Variants in KIF13A observed in about 807,000 individuals in gnomAD.
KIF13A encodes kinesin-like protein KIF13A.
A neutral mutation model predicts 212.2 loss-of-function variants in KIF13A; 79 were observed. The observed-to-expected ratio is 0.37, with a 90% confidence interval of 0.31 to 0.45. The LOEUF is 0.45. Among genes scored for constraint, KIF13A ranks in the 20% least tolerant of loss-of-function variants. The pLI is 1.00. For missense variants in KIF13A, 1,901 were observed against 2,209.0 expected (o/e 0.86, Z 2.79); for synonymous variants, 789 against 808.6 (o/e 0.98, Z 0.41).
At chr6:17,807,367 G>A (rs909095502) in intron 18 of KIF13A, among the ~76,000 whole-genome samples, 1 of 151,872 alleles carries the variant, frequency 6.6e-6, no homozygotes, top group Admixed American at 6.6e-5. Context: ...TGTGGGGGGA[G>A]GTCTATAAAC....
At chr6:17,760,904 T>C (rs1157046855), downstream of KIF13A, 3 of 1,613,280 alleles carry the variant, frequency 1.9e-6, no homozygotes, top group East Asian at 4.5e-5. Flanking sequence ...GGTGAGTTCA[T>C]GCTTCTCATC....
chr6:17,808,216 T>C (rs1763142726), intron 18 of KIF13A, among the ~76,000 whole-genome samples: 1 of 152,164 alleles, frequency 6.6e-6, no homozygotes, highest in Non-Finnish European at 1.5e-5. Context: ...CAAAACCCTG[T>C]CTCTACTAAA....
At position 17,984,412 on chromosome 6, in the gene KIF13A, TCA is replaced by T. The variant is rs1387630453; in HGVS notation, c.146+2640_146+2641del. ...GTGTCTTAATGTTTCAGAATGGTGA[TCA>T]GTATACATATCAACTACTAACCTGG... On this transcript the variant is annotated intron_variant, in intron 2 of 38. Coordinates refer to ENST00000259711, the MANE Select transcript of KIF13A (RefSeq NM_022113.6). The surrounding 1 kb of genome is among the most constrained non-coding windows in gnomAD (Gnocchi z 5.0). 2.3e-6 allele frequency: 1 copy of T among 437,022 alleles called. No homozygotes were observed. The highest frequency in any genetic ancestry group is 3.0e-6 in the Non-Finnish European group (1 of 328,952). The allele number at this position is 437,022 out of a possible 1,614,324, so 27.1% of individuals were successfully genotyped here. A position where few individuals can be genotyped will look rare whatever the true frequency, so the allele number is the denominator to read the frequency against.
intron 3 of KIF13A, among the ~76,000 whole-genome samples, chr6:17,881,169 T>C (rs368613085): frequency 6.6e-6 from 1 of 152,336 alleles, no homozygotes; most frequent in East Asian, 1.9e-4. Flanking sequence ...TTGCAACTTA[T>C]AAAACTCATA....
chr6:17,869,805 T>C (rs1288333742), intron 4 of KIF13A, among the ~76,000 whole-genome samples: 1 of 152,240 alleles, frequency 6.6e-6, no homozygotes, highest in African/African-American at 2.4e-5. Flanking sequence ...CATGCACTTA[T>C]CTTTCTCTGT....
intron 18 of KIF13A, among the ~76,000 whole-genome samples, chr6:17,808,040 GA>G (rs752970392): frequency 2.6e-5 from 4 of 152,194 alleles, no homozygotes; most frequent in Non-Finnish European, 5.9e-5. Context: ...CCGTGTATTT[GA>G]AGTCAGGTAT....
At chr6:17,774,120 G>A (rs1267423466) in intron 35 of KIF13A, among the ~76,000 whole-genome samples, 2 of 152,206 alleles carry the variant, frequency 1.3e-5, no homozygotes, top group African/African-American at 4.8e-5. Flanking sequence ...TATCATACGA[G>A]CTTACTTAAT....
chr6:17,908,474 C>G (rs543109299), intron 2 of KIF13A, among the ~76,000 whole-genome samples: 6 of 151,966 alleles, frequency 3.9e-5, no homozygotes, highest in Non-Finnish European at 2.9e-5. Context: ...TGTGATGGTG[C>G]GTGCCTATAG....
intron 2 of KIF13A, among the ~76,000 whole-genome samples, chr6:17,917,592 G>T (rs900483493): frequency 4.6e-5 from 7 of 151,986 alleles, no homozygotes; most frequent in African/African-American, 1.7e-4. Context: ...TACCACTATT[G>T]AGGTGGACTC....
intron 19 of KIF13A, among the ~76,000 whole-genome samples, chr6:17,805,178 T>TC (rs1762833346): frequency 6.6e-6 from 1 of 152,210 alleles, no homozygotes; most frequent in Non-Finnish European, 1.5e-5. Flanking sequence ...TAAATTTACT[T>TC]CATTCTACTT....
chr6:17,822,205 C>A (rs78639317), intron 16 of KIF13A, among the ~76,000 whole-genome samples: 3,868 of 152,074 alleles, frequency 0.025, 73 homozygotes, highest in Non-Finnish European at 0.04. Context: ...CTACACCTGG[C>A]TAAATTTTTG....
At chr6:17,761,574 G>C (rs1438052165), downstream of KIF13A, among the ~76,000 whole-genome samples, 1 of 152,018 alleles carries the variant, frequency 6.6e-6, no homozygotes, top group Non-Finnish European at 1.5e-5. Context: ...GTAGAGACAG[G>C]GTTTCTCCAT....
chr6:17,950,271 A>G (rs1458407450), intron 2 of KIF13A: 1 of 348,874 alleles, frequency 2.9e-6, no homozygotes, highest in Non-Finnish European at 4.0e-6. Flanking sequence ...TTCCTCATAT[A>G]TAAGTAAAAG....
rs776403384 is a variant in KIF13A, at chr6:17,777,274, T to C, written c.4170+3A>G. On this transcript the variant is annotated splice_donor_region_variant and intron_variant, in intron 34 of 38. Coordinates refer to ENST00000259711, the MANE Select transcript of KIF13A (RefSeq NM_022113.6). The surrounding 1 kb of genome is among the most constrained non-coding windows in gnomAD (Gnocchi z 4.4). ...GAGCAGATCCTTGGCAGGATGCACT[T>C]ACATTATGAACATTTGGTGTACTGA... 1.9e-6 allele frequency: 3 copies of C among 1,609,828 alleles called. No homozygotes were observed. Among genetic ancestry groups the C allele is most frequent in the Admixed American group, 1.7e-5 (1 of 59,604 alleles).
At chr6:17,791,219 G>A (rs532214370) in intron 25 of KIF13A, among the ~76,000 whole-genome samples, 55 of 150,644 alleles carry the variant, frequency 3.7e-4, no homozygotes, top group Non-Finnish European at 7.2e-4. Context: ...TCCTATTAAT[G>A]TAAAAGAACA....
At chr6:17,908,432 T>G (rs1030905142) in intron 2 of KIF13A, among the ~76,000 whole-genome samples, 2 of 152,024 alleles carry the variant, frequency 1.3e-5, no homozygotes, top group Non-Finnish European at 2.9e-5. Context: ...AGACCTTGTC[T>G]CTACTAAAAT....
chr6:17,780,613 G>T, intron 31 of KIF13A, 117 bp downstream of exon 31: 1 of 883,836 alleles, frequency 1.1e-6, no homozygotes, highest in Non-Finnish European at 1.8e-6. Context: ...ACTATAACTT[G>T]GCCAGGATGG....
At chr6:17,760,031 G>A (rs1758517936), downstream of KIF13A, 1 of 152,232 alleles carries the variant, frequency 6.6e-6, no homozygotes, top group African/African-American at 2.4e-5. Flanking sequence ...GTCAGCAGGT[G>A]GAGGGGCAGG....
chr6:17,886,656 G>C lies in KIF13A; in HGVS notation c.159+11512C>G, dbSNP rs62394141. Among the ~76,000 whole-genome samples the C allele has an allele frequency of 4.5e-3, 684 of 152,258 alleles. 2 individuals are homozygous for C. Among genetic ancestry groups the C allele is most frequent in the Middle Eastern group, 0.01 (3 of 294 alleles). On this transcript the variant is annotated intron_variant, in intron 3 of 38. Coordinates refer to ENST00000259711, the MANE Select transcript of KIF13A (RefSeq NM_022113.6). This position sits in a 1 kb window ranked among gnomAD's most constrained non-coding sequence, Gnocchi z 5.6. ...AACATTTGGTTCTGAACAAAGTCGGGCAGAAGGAAAGGGGAGAGTAGAACC... is the reference window on the plus strand; with the variant it reads ...AACATTTGGTTCTGAACAAAGTCGGCCAGAAGGAAAGGGGAGAGTAGAACC...
Sources: allele counts gnomAD v4.1 joint callset (sites outside exome capture counted in the v4.1 genomes callset), GRCh38; gene constraint gnomAD v4.1.1; non-coding constraint Gnocchi (gnomAD v3.1); transcripts MANE v1.5; gene names NCBI Gene and HGNC (gene_info 2026-07-23, HGNC 2026-07-21).